The following CACNA2D1 variants were observed in gnomAD, a reference collection of about 807,000 sequenced individuals.
CACNA2D1 encodes the protein calcium voltage-gated channel auxiliary subunit alpha2delta 1.
In CACNA2D1, 53 loss-of-function variants were observed where a neutral mutation model predicts 171.5. That is an observed-to-expected ratio of 0.31 (90% CI 0.25 to 0.39). CACNA2D1 has a LOEUF of 0.39. Among genes scored for constraint, CACNA2D1 ranks in the 10% least tolerant of loss-of-function variants. The probability of loss-of-function intolerance (pLI) is 1.00; values close to 1 mark genes in which losing one functional copy is unlikely to be tolerated. For missense variants in CACNA2D1, 903 were observed against 1,299.8 expected (o/e 0.69, Z 4.69); for synonymous variants, 442 against 443.1 (o/e 1.00, Z 0.03).
At chr7:81,968,141 A>AAGTGAGTT (rs1184767492) in intron 29 of CACNA2D1, among the ~76,000 whole-genome samples, 1 of 151,410 alleles carries the variant, frequency 6.6e-6, no homozygotes, top group South Asian at 2.1e-4. Context: ...AGGAATAGGT[A>AAGTGAGTT]AGTGAGTTAG....
intron 2 of CACNA2D1, among the ~76,000 whole-genome samples, chr7:82,340,397 TC>T (rs1818485332): frequency 6.6e-6 from 1 of 151,630 alleles, no homozygotes; most frequent in Non-Finnish European, 1.5e-5. Context: ...TCTTGAACTC[TC>T]AGGCTTAAGC....
At chr7:82,372,958 G>A (rs1822572822) in intron 1 of CACNA2D1, among the ~76,000 whole-genome samples, 1 of 152,198 alleles carries the variant, frequency 6.6e-6, no homozygotes, top group Non-Finnish European at 1.5e-5. Flanking sequence ...GCCAAGGCAG[G>A]CGGATCACTG....
intron 12 of CACNA2D1, among the ~76,000 whole-genome samples, chr7:82,025,634 A>T (rs1003443191): frequency 6.6e-6 from 1 of 151,438 alleles, no homozygotes; most frequent in Non-Finnish European, 1.5e-5. Flanking sequence ...TTCTAGTTTC[A>T]CTCCACTGTG....
chr7:82,202,313 C>T (rs1439474417), intron 3 of CACNA2D1, among the ~76,000 whole-genome samples: 1 of 152,158 alleles, frequency 6.6e-6, no homozygotes, highest in Non-Finnish European at 1.5e-5. Context: ...ACCACTCGTT[C>T]ACCCACTCCC....
intron 22 of CACNA2D1, among the ~76,000 whole-genome samples, chr7:81,983,622 G>C (rs1033223226): frequency 3.3e-5 from 5 of 152,114 alleles, no homozygotes; most frequent in Admixed American, 2.0e-4. Flanking sequence ...AATGACGTCA[G>C]GCTATAAACA....
rs567774717 is a variant in CACNA2D1 at position 82,394,855 on chromosome 7, G to A, written c.96-45206C>T. On this transcript the variant is annotated intron_variant, in intron 1 of 38. Transcript: ENST00000356860. The stretch of plus-strand genomic sequence containing the variant: ...ACATAAAGCCATAGCTCTCCCCTCT[G>A]GGTTTGACTAAAGTGAACCAACTCT... Among the ~76,000 whole-genome samples the A allele has an allele frequency of 2.0e-5, 3 of 152,232 alleles. No homozygotes were observed. The South Asian group carries it at 6.2e-4, about 32-fold the overall frequency.
chr7:82,244,643 GC>G (rs1216446557), intron 3 of CACNA2D1, among the ~76,000 whole-genome samples: 2 of 151,660 alleles, frequency 1.3e-5, no homozygotes, highest in African/African-American at 4.8e-5. Flanking sequence ...AAAAAAGCAA[GC>G]AAAAAAACAA....
intron 3 of CACNA2D1, among the ~76,000 whole-genome samples, chr7:82,194,898 G>C (rs936046365): frequency 6.6e-6 from 1 of 151,916 alleles, no homozygotes; most frequent in African/African-American, 2.4e-5. Context: ...GCACAAGAAT[G>C]GGGGGCGGGG....
At chr7:82,221,165 C>T (rs1458991830) in intron 3 of CACNA2D1, among the ~76,000 whole-genome samples, 1 of 151,014 alleles carries the variant, frequency 6.6e-6, no homozygotes, top group Non-Finnish European at 1.5e-5. Flanking sequence ...TACATTAAAG[C>T]ACAGTGGTCT....
At chr7:82,143,784 C>G (rs1353975659) in intron 4 of CACNA2D1, among the ~76,000 whole-genome samples, 2 of 152,148 alleles carry the variant, frequency 1.3e-5, no homozygotes, top group African/African-American at 4.8e-5. Flanking sequence ...TTGTATTAAT[C>G]TAAAAGTTTG....
Position 82,251,120 on chromosome 7 carries a change from TCC to T in CACNA2D1, c.295-80513_295-80512del, listed in dbSNP as rs138471707. 5.9e-3 allele frequency among the ~76,000 whole-genome samples: 906 copies of T among 152,282 alleles called. 12 individuals are homozygous for T. The highest frequency in any genetic ancestry group is 0.021 in the African/African-American group (859 of 41,572). Reference sequence around the variant, plus strand: ...AATAATGAATGCTGTTCTCATACTCTCCTGTATCTCCCATCTCTCAACGCCAT... The same window carrying T: ...AATAATGAATGCTGTTCTCATACTCTTGTATCTCCCATCTCTCAACGCCAT... On this transcript the variant is annotated intron_variant, in intron 3 of 38. Coordinates refer to ENST00000356860, the MANE Select transcript of CACNA2D1 (RefSeq NM_000722.4).
chr7:82,013,136 T>A (rs527804614), intron 14 of CACNA2D1, among the ~76,000 whole-genome samples: 60 of 152,140 alleles, frequency 3.9e-4, no homozygotes, highest in African/African-American at 1.4e-3. Context: ...AAGAAACTTT[T>A]AAAAATTATT....
chr7:82,087,635 A>G (rs992366110), intron 6 of CACNA2D1, among the ~76,000 whole-genome samples: 1 of 151,976 alleles, frequency 6.6e-6, no homozygotes, highest in Non-Finnish European at 1.5e-5. Flanking sequence ...ACTATTTTAG[A>G]CCTTGGGTTA....
chr7:82,240,473 T>C (rs910631658), intron 3 of CACNA2D1, among the ~76,000 whole-genome samples: 1 of 152,150 alleles, frequency 6.6e-6, no homozygotes, highest in African/African-American at 2.4e-5. Flanking sequence ...CCTCCTTTCA[T>C]AAGGACATGA....
intron 1 of CACNA2D1, among the ~76,000 whole-genome samples, chr7:82,423,922 G>T (rs936690391): frequency 6.6e-6 from 1 of 152,124 alleles, no homozygotes; most frequent in Non-Finnish European, 1.5e-5. Context: ...AAACAGTTTG[G>T]AAAGAGTAAT....
chr7:82,198,408 C>A (rs1210969595), intron 3 of CACNA2D1, among the ~76,000 whole-genome samples: 4 of 152,096 alleles, frequency 2.6e-5, no homozygotes, highest in Admixed American at 2.0e-4. Flanking sequence ...ACTCATGGAG[C>A]CTTGTGAGCT....
intron 3 of CACNA2D1, among the ~76,000 whole-genome samples, chr7:82,233,022 G>A (rs1302360411): frequency 6.6e-6 from 1 of 151,980 alleles, no homozygotes; most frequent in Non-Finnish European, 1.5e-5. Context: ...AAGCAGACGT[G>A]TCCAAACGTT....
intron 6 of CACNA2D1, among the ~76,000 whole-genome samples, chr7:82,091,669 G>A (rs374322000): frequency 6.6e-6 from 1 of 152,250 alleles, no homozygotes; most frequent in East Asian, 1.9e-4. Flanking sequence ...ATTTGAGGAG[G>A]GAGAAGGGCT....
At chr7:82,325,381 T>A (rs1178558976) in intron 3 of CACNA2D1, among the ~76,000 whole-genome samples, 1 of 152,152 alleles carries the variant, frequency 6.6e-6, no homozygotes, top group Admixed American at 6.5e-5. Flanking sequence ...TTACAAGCTG[T>A]AGGGCAAGCA....
Sources: allele counts gnomAD v4.1 joint callset (sites outside exome capture counted in the v4.1 genomes callset), GRCh38; gene constraint gnomAD v4.1.1; transcripts MANE v1.5; gene names NCBI Gene and HGNC (gene_info 2026-07-23, HGNC 2026-07-21).